Variants in PENK observed in about 807,000 individuals in gnomAD.
PENK encodes the protein proenkephalin, also known as proenkephalin-A.
Under a neutral mutation model 24.1 loss-of-function variants are expected in PENK, and 25 were observed. The observed-to-expected ratio is 1.04, with a 90% CI of 0.76 to 1.45. The LOEUF is 1.45. Ranked by LOEUF, PENK falls within the 40% of genes most tolerant of loss-of-function variation. The pLI, the probability that PENK is intolerant of heterozygous loss-of-function variation, is 0.00. For missense variants in PENK, 353 were observed against 337.9 expected (o/e 1.04, Z -0.35); for synonymous variants, 135 against 130.3 (o/e 1.04, Z -0.24).
In PENK at chr8:56,446,054, C is replaced by T. The variant is rs1458796972; in HGVS notation, c.-3-98G>A. 2.2e-6 allele frequency: 3 copies of T among 1,343,738 alleles called. No individual in the cohort carries two copies. In the African/African-American group the frequency reaches 4.4e-5, roughly 20 times the overall value. The allele number at this position is 1,343,738 out of a possible 1,614,324, so 83.2% of individuals were successfully genotyped here. The stretch of plus-strand genomic sequence containing the variant: ...CGCGACAGCCTCAGCAGGGGATCGT[C>T]GAGCAAAAGCCCGCAGGAATGCTCC... On this transcript the variant is annotated intron_variant, in intron 2 of 3. Coordinates refer to ENST00000451791, the MANE Select transcript of PENK (RefSeq NM_001135690.3).
At chr8:56,443,913 C>T in intron 3 of PENK, 1 of 693,682 alleles carries the variant, frequency 1.4e-6, no homozygotes, top group South Asian at 1.5e-5. Context: ...ATTCCATCAC[C>T]TGGATTAAAG....
At chr8:56,443,296 T>C (rs1804591322) in intron 3 of PENK, among the ~76,000 whole-genome samples, 1 of 152,234 alleles carries the variant, frequency 6.6e-6, no homozygotes, top group Non-Finnish European at 1.5e-5. Flanking sequence ...AATATTTCCA[T>C]TCTAAAGTTG....
chr8:56,441,972 G>A (rs1804569342), intron 3 of PENK, 35 bp from the exon 4 acceptor site: 1 of 1,533,986 alleles, frequency 6.5e-7, no homozygotes, highest in East Asian at 2.3e-5. Flanking sequence ...ATAAAAAGAA[G>A]CTTCTGTGAT....
chr8:56,443,652 G>T, intron 3 of PENK: 1 of 286,744 alleles, frequency 3.5e-6, no homozygotes. Context: ...TTGTTACATT[G>T]ATTTCACTAC....
intron 3 of PENK, 96 bp from the exon 4 acceptor site, chr8:56,442,033 C>A (rs7001209): frequency 0.026 from 21,587 of 825,316 alleles, 472 homozygotes; most frequent in South Asian, 0.065. Context: ...GCTTTGACAT[C>A]ATAACTTCCT....
At chr8:56,444,091 A>C in intron 3 of PENK, 1 of 653,436 alleles carries the variant, frequency 1.5e-6, no homozygotes, top group South Asian at 1.8e-5. Flanking sequence ...GGGAAGAGCT[A>C]GCTGCTACCC....
At chr8:56,444,015 C>T (rs1361601823) in intron 3 of PENK, 1 of 702,100 alleles carries the variant, frequency 1.4e-6, no homozygotes, top group East Asian at 2.7e-5. Context: ...TCCTCCCCCA[C>T]AATCCTGTTA....
rs1159364556 is a variant in PENK, at chr8:56,441,489, C to G, written c.587G>C (p.Ser196Thr). Residue 196 changes from serine to threonine, a missense_variant, in exon 4 of 4, where the codon AGC becomes ACC. Coordinates refer to ENST00000451791, the MANE Select transcript of PENK (RefSeq NM_001135690.3). Reference protein sequence around the residue: ...YGGFMRGLKRSPQLEDEAKEL... With the variant: ...YGGFMRGLKRTPQLEDEAKEL... ...TTTGGCTTCATCTTCCAGTTGGGGG[C>G]TTCTCTTTAAGCCTCTCATGAAGCC... 6.2e-7 allele frequency: 1 copy of G among 1,613,088 alleles called. No homozygotes were observed. The highest frequency in any genetic ancestry group is 8.5e-7 in the Non-Finnish European group (1 of 1,179,764).
In PENK at chr8:56,445,898, A is replaced by C. The variant is rs1439565285; in HGVS notation, c.56T>G (p.Leu19Arg). 2 of 1,612,658 alleles carry C rather than the reference A, an allele frequency of 1.2e-6. No homozygotes were observed. Among genetic ancestry groups the C allele is most frequent in the African/African-American group, 2.7e-5 (2 of 74,938 alleles). The change falls in exon 3 of 4, where the codon CTG becomes CGG. Residue 19 changes from leucine (L) to arginine (R), a missense_variant. Leu to Arg is a moderately radical substitution (Grantham distance 102). Transcript: ENST00000451791. ...TWLLLLGPGLLATVRAECSQD... is the reference protein window; with the variant it reads ...TWLLLLGPGLRATVRAECSQD... ...GCTGCATTCGGCCCGCACGGTCGCCAGGAGCCCGGGGCCGAGCAACAGCAG... is the reference window on the plus strand; with the variant it reads ...GCTGCATTCGGCCCGCACGGTCGCCCGGAGCCCGGGGCCGAGCAACAGCAG...
In PENK at chr8:56,445,891, G is replaced by C. The variant is rs1323822327; in HGVS notation, c.63C>G (p.Thr21=). 1.9e-6 allele frequency: 3 copies of C among 1,612,870 alleles called. No individual in the cohort carries two copies. Among genetic ancestry groups the C allele is most frequent in the Non-Finnish European group, 2.5e-6 (3 of 1,179,822 alleles). ...AATCCTGGCTGCATTCGGCCCGCACGGTCGCCAGGAGCCCGGGGCCGAGCA... is the reference window on the plus strand; with the variant it reads ...AATCCTGGCTGCATTCGGCCCGCACCGTCGCCAGGAGCCCGGGGCCGAGCA... The part of the protein sequence containing the change: ...LLLLGPGLLA[T]VRAECSQDCA... Residue 21 remains threonine, a synonymous_variant, in exon 3 of 4, where the codon ACC becomes ACG. Transcript: ENST00000451791.
At chr8:56,444,966 C>A (rs1422218752) in intron 3 of PENK, among the ~76,000 whole-genome samples, 1 of 152,176 alleles carries the variant, frequency 6.6e-6, no homozygotes, top group Non-Finnish European at 1.5e-5. Context: ...CAGTAGAGCA[C>A]CAGAGGTGAT....
intron 2 of PENK, chr8:56,446,185 T>G: frequency 1.9e-6 from 1 of 535,184 alleles, no homozygotes; most frequent in Non-Finnish European, 3.3e-6. Context: ...AACGCGAGGC[T>G]GCCTGGGGCA....
chr8:56,442,247 T>G (rs1320552853), intron 3 of PENK, among the ~76,000 whole-genome samples: 1 of 152,246 alleles, frequency 6.6e-6, no homozygotes, highest in African/African-American at 2.4e-5. Flanking sequence ...GATTGACTGC[T>G]TTCACAATCT....
intron 3 of PENK, among the ~76,000 whole-genome samples, chr8:56,442,436 A>G (rs948362621): frequency 6.6e-6 from 1 of 152,152 alleles, no homozygotes; most frequent in African/African-American, 2.4e-5. Context: ...TTGTGTTAAT[A>G]TTTTACCTAA....
intron 3 of PENK, among the ~76,000 whole-genome samples, chr8:56,442,911 ATG>A (rs1563486383): frequency 6.6e-6 from 1 of 152,110 alleles, no homozygotes; most frequent in African/African-American, 2.4e-5. Context: ...TCACTTGGGT[ATG>A]ATAAAGAGAG....
Position 56,441,593 on chromosome 8 carries a change from C to T in PENK, c.483G>A (p.Leu161=). ...ANSSDLLKEL[L]ETGDNRERSH... ...TACGCTCTCGGTTGTCCCCTGTTTC[C>T]AGAAGCTCTTTTAGCAGGTCTGAGG... The change falls in exon 4 of 4, where the codon CTG becomes CTA. Residue 161 remains leucine (L), a synonymous_variant. Coordinates refer to ENST00000451791, the MANE Select transcript of PENK (RefSeq NM_001135690.3). 2 of 1,614,062 alleles carry T rather than the reference C, an allele frequency of 1.2e-6. No individual in the cohort carries two copies. The highest frequency in any genetic ancestry group is 1.7e-6 in the Non-Finnish European group (2 of 1,180,002).
chr8:56,440,971 T>G lies in PENK; in HGVS notation c.*301A>C. On this transcript the variant is annotated 3_prime_UTR_variant, in exon 4 of 4. Coordinates refer to ENST00000451791, the MANE Select transcript of PENK (RefSeq NM_001135690.3). ...CAAGGATATTATGCACTTGGGGTAA[T>G]AGGTTTATTATCTCTATATACAAGT... is the stretch of plus-strand genomic sequence containing the variant. 4.0e-6 allele frequency: 1 copy of G among 247,320 alleles called. No homozygotes were observed. The highest frequency in any genetic ancestry group is 7.7e-6 in the Non-Finnish European group (1 of 129,116). The allele number at this position is 247,320 out of a possible 1,614,324, so 15.3% of individuals were successfully genotyped here. A position where few individuals can be genotyped will look rare whatever the true frequency, so the allele number is the denominator to read the frequency against.
intron 3 of PENK, among the ~76,000 whole-genome samples, chr8:56,443,252 C>A (rs1253846312): frequency 2.0e-5 from 3 of 152,120 alleles, no homozygotes; most frequent in African/African-American, 7.2e-5. Context: ...CAAATAAAAA[C>A]ACCATTAGAA....
chr8:56,441,189 G>A lies in PENK; in HGVS notation c.*83C>T, dbSNP rs117383670. 26,335 of 934,196 alleles carry A rather than the reference G, an allele frequency of 0.028. 654 individuals are homozygous for A. Among genetic ancestry groups the A allele is most frequent in the South Asian group, 0.09 (5,605 of 62,594 alleles). The allele number at this position is 934,196 out of a possible 1,614,324, so 57.9% of individuals were successfully genotyped here. ...CAACTATACAAGGCAAGCAACACAT[G>A]ACAATAAAACACCATCAACAGTTTC... On this transcript the variant is annotated 3_prime_UTR_variant, in exon 4 of 4. Coordinates refer to ENST00000451791, the MANE Select transcript of PENK (RefSeq NM_001135690.3).
Sources: allele counts gnomAD v4.1 joint callset (sites outside exome capture counted in the v4.1 genomes callset), GRCh38; gene constraint gnomAD v4.1.1; transcripts MANE v1.5; gene names NCBI Gene and HGNC (gene_info 2026-07-23, HGNC 2026-07-21).